CSMD1: variants seen among roughly 807,000 people sequenced by gnomAD.
The protein encoded by CSMD1 is CUB and Sushi multiple domains 1, also known as CUB and sushi domain-containing protein 1.
CSMD1 carries 213 observed loss-of-function variants against 417.5 expected under a neutral mutation model. The ratio of observed to expected loss-of-function variants is 0.51; its 90% CI spans 0.46 to 0.57. CSMD1 has a LOEUF of 0.57. Among genes scored for constraint, CSMD1 ranks in the 20% least tolerant of loss-of-function variants. The probability of loss-of-function intolerance (pLI) is 0.00; values close to 1 mark genes in which losing one functional copy is unlikely to be tolerated. For synonymous variants in CSMD1, 2,862 were observed against 1,736.8 expected (o/e 1.65, Z -16.11); for missense variants, 6,923 against 4,529.7 (o/e 1.53, Z -15.17).
intron 23 of CSMD1, among the ~76,000 whole-genome samples, chr8:3,315,463 A>G (rs200622303): frequency 2.7e-5 from 1 of 37,572 alleles, no homozygotes; most frequent in African/African-American, 7.9e-5. Context: ...TGTGTGTGTG[A>G]TTTTTAAACT....
At chr8:3,164,041 G>T (rs1010733398) in intron 37 of CSMD1, among the ~76,000 whole-genome samples, 2 of 152,196 alleles carry the variant, frequency 1.3e-5, no homozygotes, top group African/African-American at 4.8e-5. Context: ...CAGATCTGCT[G>T]AGTCGGAGGC....
intron 9 of CSMD1, among the ~76,000 whole-genome samples, chr8:3,577,869 C>T (rs562843916): frequency 6.6e-6 from 1 of 152,136 alleles, no homozygotes; most frequent in Admixed American, 6.5e-5. Flanking sequence ...TCAGAATCAC[C>T]CTCAGTTTTT....
chr8:4,186,426 A>C (rs1798679497), intron 3 of CSMD1, among the ~76,000 whole-genome samples: 1 of 152,178 alleles, frequency 6.6e-6, no homozygotes, highest in Admixed American at 6.5e-5. Context: ...ACTGAGAGTA[A>C]GTTTACAGAG....
At chr8:3,970,797 G>A (rs192369039) in intron 5 of CSMD1, among the ~76,000 whole-genome samples, 1 of 151,996 alleles carries the variant, frequency 6.6e-6, no homozygotes, top group South Asian at 2.1e-4. Flanking sequence ...TTGTTACCCA[G>A]GCTGGAGTCC....
In CSMD1 at chr8:3,175,513, T is replaced by TTTCC. The variant is rs547666803; in HGVS notation, c.5725+5593_5725+5596dup. Among the ~76,000 whole-genome samples, 24 of 53,834 alleles carry TTTCC rather than the reference T, an allele frequency of 4.5e-4. 1 individual carries two copies. The highest frequency in any genetic ancestry group is 1.2e-3 in the African/African-American group (23 of 19,544). 35.3% of individuals were successfully genotyped at this position (53,834 alleles called of 152,430 possible). A position where few individuals can be genotyped will look rare whatever the true frequency, so the allele number is the denominator to read the frequency against. ...CCTGCCTGCCTGCCTGCCTGCCTTTTTTCCTTCCTTCCTTCCTTCCTTCTT... is the reference window on the plus strand; with the variant it reads ...CCTGCCTGCCTGCCTGCCTGCCTTTTTTCCTTCCTTCCTTCCTTCCTTCCTTCTT... On this transcript the variant is annotated intron_variant, in intron 37 of 69. Transcript: ENST00000635120.
chr8:4,442,681 A>G lies in CSMD1; in HGVS notation c.303-22616T>C, dbSNP rs1030191878. Among the ~76,000 whole-genome samples the G allele has an allele frequency of 3.9e-5, 6 of 152,136 alleles. No homozygotes were observed. The South Asian group carries it at 1.0e-3, about 26-fold the overall frequency. On this transcript the variant is annotated intron_variant, in intron 2 of 69. Coordinates refer to ENST00000635120, the MANE Select transcript of CSMD1 (RefSeq NM_033225.6). ...AACTTCATTGACTTTCCCTTATTCAATGTCTCCGAAAAGGTAGTTCCCCGA... is the reference window on the plus strand; with the variant it reads ...AACTTCATTGACTTTCCCTTATTCAGTGTCTCCGAAAAGGTAGTTCCCCGA...
At chr8:3,468,891 G>C (rs1470050150) in intron 11 of CSMD1, 67 bp from the exon 12 acceptor site, 1 of 1,074,064 alleles carries the variant, frequency 9.3e-7, no homozygotes, top group Admixed American at 2.0e-5. Flanking sequence ...CACCTGAAAG[G>C]AGGGTCTTGC....
chr8:4,008,983 G>A (rs762090054), intron 4 of CSMD1, among the ~76,000 whole-genome samples: 2 of 152,198 alleles, frequency 1.3e-5, no homozygotes, highest in African/African-American at 2.4e-5. Flanking sequence ...CAGCAAAATC[G>A]TCAGTGGGTA....
chr8:4,301,006 G>C (rs745903221), intron 3 of CSMD1, among the ~76,000 whole-genome samples: 2 of 152,148 alleles, frequency 1.3e-5, no homozygotes, highest in African/African-American at 4.8e-5. Flanking sequence ...GTGTGCATGT[G>C]TCTTTATAGC....
chr8:4,865,070 G>A (rs948926505), intron 1 of CSMD1, among the ~76,000 whole-genome samples: 2 of 150,884 alleles, frequency 1.3e-5, no homozygotes, highest in Non-Finnish European at 3.0e-5. Context: ...ATAGGTTTTG[G>A]GGTACACGTG....
chr8:3,029,475 G>A lies in CSMD1; in HGVS notation c.7699C>T (p.His2567Tyr), dbSNP rs768352451. ...CCTGAAACCAGCCTCCAGATGACAT[G>A]TTCTGAGAGCTGAGCTTCAATGCTG... ...CPSIEAQLSE[H>Y]VIWRLVSGSL... Residue 2567 changes from histidine (H) to tyrosine (Y), a missense_variant, in exon 51 of 70, where the codon CAT becomes TAT. Physicochemically the swap from His to Tyr is moderately conservative, Grantham distance 83. Coordinates refer to ENST00000635120, the MANE Select transcript of CSMD1 (RefSeq NM_033225.6). The A allele has an allele frequency of 8.7e-6, 14 of 1,605,518 alleles. No homozygotes were observed. In the South Asian group the frequency reaches 9.0e-5, roughly 10 times the overall value.
chr8:3,766,659 T>C (rs1480062680), intron 5 of CSMD1, among the ~76,000 whole-genome samples: 1 of 151,962 alleles, frequency 6.6e-6, no homozygotes, highest in African/African-American at 2.4e-5. Flanking sequence ...AGACTGATAA[T>C]AAAGAAAATA....
intron 1 of CSMD1, among the ~76,000 whole-genome samples, chr8:4,828,588 C>T (rs140298303): frequency 2.1e-3 from 317 of 152,218 alleles, no homozygotes; most frequent in African/African-American, 7.3e-3. Context: ...GTGCCTACCA[C>T]CTTTTCATCA....
chr8:4,416,412 G>A (rs1257501178), intron 3 of CSMD1, among the ~76,000 whole-genome samples: 1 of 152,038 alleles, frequency 6.6e-6, no homozygotes, highest in East Asian at 1.9e-4. Flanking sequence ...TGAAGTCCAT[G>A]TATGATTTCC....
chr8:4,037,387 G>C (rs989294626), intron 3 of CSMD1, among the ~76,000 whole-genome samples: 2 of 152,178 alleles, frequency 1.3e-5, no homozygotes, highest in African/African-American at 4.8e-5. Context: ...TCAGCTCCAC[G>C]CAACAGCCCA....
At chr8:3,798,974 G>T (rs1800312698) in intron 5 of CSMD1, among the ~76,000 whole-genome samples, 1 of 151,790 alleles carries the variant, frequency 6.6e-6, no homozygotes, top group Admixed American at 6.6e-5. Context: ...TTATATATAT[G>T]GGTGAATAAT....
At chr8:4,261,020 G>A (rs565098053) in intron 3 of CSMD1, among the ~76,000 whole-genome samples, 15 of 152,204 alleles carry the variant, frequency 9.9e-5, no homozygotes, top group African/African-American at 3.1e-4. Context: ...AAAGTTCAAC[G>A]TAGACATCAC....
chr8:4,516,011 T>C (rs1042200465), intron 2 of CSMD1, among the ~76,000 whole-genome samples: 7 of 152,154 alleles, frequency 4.6e-5, no homozygotes, highest in Admixed American at 4.6e-4. Context: ...ACTTTGGAGT[T>C]GTAAGATCCT....
intron 68 of CSMD1, among the ~76,000 whole-genome samples, chr8:2,944,134 C>T (rs677111): frequency 0.83 from 125,517 of 151,786 alleles, 52,065 homozygotes; most frequent in East Asian, 0.93. Context: ...ATCTGCCCCA[C>T]CATCACGCAA....
Sources: gnomAD v4.1 joint callset for allele counts (sites outside exome capture counted in the v4.1 genomes callset) on GRCh38, gnomAD v4.1.1 for gene constraint, MANE v1.5 for transcripts, NCBI Gene and HGNC (gene_info 2026-07-23, HGNC 2026-07-21) for gene names.